ARHGEF11: variants seen among roughly 807,000 people sequenced by gnomAD.
ARHGEF11 encodes Rho guanine nucleotide exchange factor 11, also known as Rho guanine exchange factor (GEF) 11.
Under a neutral mutation model 193.7 loss-of-function variants are expected in ARHGEF11, and 55 were observed. The ratio of observed to expected loss-of-function variants is 0.28; its 90% CI spans 0.23 to 0.36. ARHGEF11 has a LOEUF of 0.36. Among genes scored for constraint, ARHGEF11 ranks in the 10% least tolerant of loss-of-function variants. ARHGEF11 has a pLI of 1.00. For missense variants in ARHGEF11, 1,723 were observed against 2,005.6 expected, an observed-to-expected ratio of 0.86 and a Z score of 2.69; for synonymous variants, 693 against 768.0, an observed-to-expected ratio of 0.90 and a Z score of 1.62.
At chr1:156,977,529 C>T (rs986411200) in intron 6 of ARHGEF11, among the ~76,000 whole-genome samples, 26 of 152,218 alleles carry the variant, frequency 1.7e-4, no homozygotes, top group African/African-American at 6.3e-4. Context: ...CCTCCTGCCT[C>T]AGCCTCCTGA....
rs920127836 is a variant in ARHGEF11 at position 156,942,570 on chromosome 1, A to G, written c.3326+120T>C. On this transcript the variant is annotated intron_variant, in intron 33 of 40. Coordinates refer to ENST00000368194, the MANE Select transcript of ARHGEF11 (RefSeq NM_198236.3). ...TGTCCTACCTCCCACTTCCTTCCCA[A>G]CCCCTTGTCCAGGGACTGCTTTGGG... 2.6e-5 allele frequency: 22 copies of G among 856,394 alleles called. No homozygotes were observed. The East Asian group carries it at 5.4e-4, about 21-fold the overall frequency. The allele number at this position is 856,394 out of a possible 1,614,324, so 53.0% of individuals were successfully genotyped here.
chr1:156,961,206 G>A (rs1477607517), intron 14 of ARHGEF11, among the ~76,000 whole-genome samples: 2 of 152,214 alleles, frequency 1.3e-5, no homozygotes, highest in Admixed American at 6.5e-5. Context: ...AATGCACAGC[G>A]TGCTGTCTAT....
intron 1 of ARHGEF11, among the ~76,000 whole-genome samples, chr1:157,007,878 G>T (rs1571469783): frequency 6.9e-6 from 1 of 145,634 alleles, no homozygotes; most frequent in Non-Finnish European, 1.5e-5. Flanking sequence ...AGAATGTAAT[G>T]TAAGCTCCAA....
intron 1 of ARHGEF11, among the ~76,000 whole-genome samples, chr1:157,042,921 G>A (rs914593837): frequency 2.0e-5 from 3 of 152,188 alleles, no homozygotes; most frequent in African/African-American, 7.2e-5. Flanking sequence ...ACACACCTCA[G>A]TTCTCCCTTT....
intron 17 of ARHGEF11, 112 bp from the exon 18 acceptor site, chr1:156,957,927 G>A: frequency 1.0e-6 from 1 of 977,382 alleles, no homozygotes; most frequent in Non-Finnish European, 1.6e-6. Context: ...GGTTAGTGGG[G>A]GAAAAGGAGA....
rs1416155472 is a variant in ARHGEF11, at chr1:156,945,074, C to A, written c.2936G>T (p.Arg979Leu). The A allele has an allele frequency of 6.2e-7, 1 of 1,614,072 alleles. No homozygotes were observed. Among genetic ancestry groups the A allele is most frequent in the African/African-American group, 1.3e-5 (1 of 74,922 alleles). The change falls in exon 30 of 41, where the codon CGC (arginine) becomes CTC (leucine). Residue 979 changes from arginine (R) to leucine (L), a missense_variant. Arg to Leu is a moderately radical substitution (Grantham distance 102). Around this residue, in one of 5 missense-constraint regions of ARHGEF11, gnomAD observed 491 missense variants for 654.5 expected, o/e 0.75. Transcript: ENST00000368194. ...NRHRLEGYQK[R>L]LDATALERAS... ...CCTCTCCAGGGCGGTGGCATCCAGG[C>A]GTTTCTGGTAGCCCTCTAAACGGTG... is the stretch of plus-strand genomic sequence containing the variant.
Position 157,044,709 on chromosome 1 carries a change from GT to G in ARHGEF11, c.-380del, listed in dbSNP as rs1361419739. Reference sequence around the variant, plus strand: ...AAAAATGTGCCTTCAAAATATCACTGTTAACTGCAAAGTACAGATAAAACCA... The same window carrying G: ...AAAAATGTGCCTTCAAAATATCACTGTAACTGCAAAGTACAGATAAAACCA... On this transcript the variant is annotated 5_prime_UTR_variant, in exon 1 of 41. It removes the in-frame stop codon of an upstream open reading frame in the 5' UTR. Coordinates refer to ENST00000368194, the MANE Select transcript of ARHGEF11 (RefSeq NM_198236.3). 4.7e-6 allele frequency: 2 copies of G among 426,296 alleles called. No homozygotes were observed. The highest frequency in any genetic ancestry group is 8.2e-6 in the Non-Finnish European group (2 of 242,672). 26.4% of individuals were successfully genotyped at this position (426,296 alleles called of 1,614,324 possible). A position where few individuals can be genotyped will look rare whatever the true frequency, so the allele number is the denominator to read the frequency against.
At chr1:156,936,532 A>T (rs1655367673) in intron 40 of ARHGEF11, among the ~76,000 whole-genome samples, 1 of 142,502 alleles carries the variant, frequency 7.0e-6, no homozygotes, top group Admixed American at 7.0e-5. Flanking sequence ...ATATAAAATT[A>T]AAAAAAGAAC....
At position 156,939,962 on chromosome 1, in the gene ARHGEF11, CAGA is replaced by C. The variant is rs1656443377; in HGVS notation, c.3734-55_3734-53del. The C allele has an allele frequency of 1.9e-6, 3 of 1,582,450 alleles. No individual in the cohort carries two copies. The East Asian group carries it at 6.7e-5, about 35-fold the overall frequency. On this transcript the variant is annotated intron_variant, in intron 36 of 40. Coordinates refer to ENST00000368194, the MANE Select transcript of ARHGEF11 (RefSeq NM_198236.3). ...CCCAGCATGGGACTGCACACCACGC[CAGA>C]AGGATCGTTGTACTGCCCCACTGAC...
chr1:156,996,144 G>A (rs1407191484), intron 1 of ARHGEF11, among the ~76,000 whole-genome samples: 1 of 152,144 alleles, frequency 6.6e-6, no homozygotes, highest in Non-Finnish European at 1.5e-5. Context: ...GCCTCTCTAT[G>A]GACTTAGGCG....
chr1:156,997,789 T>C (rs909182957), intron 1 of ARHGEF11, among the ~76,000 whole-genome samples: 29 of 152,076 alleles, frequency 1.9e-4, no homozygotes, highest in Non-Finnish European at 4.4e-5. Context: ...CTTTTTATAT[T>C]AGAGTATTTT....
chr1:156,954,779 A>AG, intron 21 of ARHGEF11, 113 bp downstream of exon 21: 1 of 891,138 alleles, frequency 1.1e-6, no homozygotes, highest in Non-Finnish European at 1.8e-6. Flanking sequence ...AAAGAAAGGG[A>AG]GGGAGGAGGA....
chr1:156,985,839 T>C, intron 2 of ARHGEF11: 1 of 403,442 alleles, frequency 2.5e-6, no homozygotes. Context: ...ATGGGTGTTC[T>C]GACCTGCTCC....
In ARHGEF11 at chr1:156,935,833, A is replaced by T; in HGVS notation, c.*167T>A. ...ACTGAAACCTGACTCCGACTTGAGC[A>T]GACCAAGCAACATGCGGGTCTCCCC... On this transcript the variant is annotated 3_prime_UTR_variant, in exon 41 of 41. Transcript: ENST00000368194. 1.4e-6 allele frequency: 1 copy of T among 723,486 alleles called. No individual in the cohort carries two copies. Among genetic ancestry groups the T allele is most frequent in the Non-Finnish European group, 2.3e-6 (1 of 443,916 alleles). The allele number at this position is 723,486 out of a possible 1,614,324, so 44.8% of individuals were successfully genotyped here.
At chr1:156,978,752 C>T (rs149137777) in intron 5 of ARHGEF11, among the ~76,000 whole-genome samples, 27 of 152,364 alleles carry the variant, frequency 1.8e-4, no homozygotes, top group African/African-American at 5.8e-4. Flanking sequence ...TAGCCCTCTG[C>T]TCTCCCCAAA....
At chr1:156,937,721 G>A (rs972287614) in intron 38 of ARHGEF11, among the ~76,000 whole-genome samples, 1 of 152,230 alleles carries the variant, frequency 6.6e-6, no homozygotes, top group African/African-American at 2.4e-5. Context: ...AGCTGGGGGA[G>A]ATGCTGAGCG....
chr1:157,013,166 T>C (rs1411011484), intron 1 of ARHGEF11, among the ~76,000 whole-genome samples: 7 of 151,868 alleles, frequency 4.6e-5, no homozygotes, highest in Non-Finnish European at 8.8e-5. Flanking sequence ...ATTGCTCTAT[T>C]GTATAGAAAT....
At chr1:156,962,241 G>A (rs1228233278) in intron 13 of ARHGEF11, among the ~76,000 whole-genome samples, 1 of 152,152 alleles carries the variant, frequency 6.6e-6, no homozygotes, top group Non-Finnish European at 1.5e-5. Flanking sequence ...GCACACAGGT[G>A]TTCAATGAAT....
At chr1:157,035,865 A>T (rs984718468) in intron 1 of ARHGEF11, among the ~76,000 whole-genome samples, 1 of 137,860 alleles carries the variant, frequency 7.3e-6, no homozygotes, top group South Asian at 2.3e-4. Flanking sequence ...AGGAATATAT[A>T]TAGGAATATA....
Sources: allele counts gnomAD v4.1 joint callset (sites outside exome capture counted in the v4.1 genomes callset), GRCh38; gene constraint gnomAD v4.1.1; regional missense constraint gnomAD v4.1.1; transcripts MANE v1.5; gene names NCBI Gene and HGNC (gene_info 2026-07-23, HGNC 2026-07-21).